Variants in PAPPA2 observed in about 807,000 individuals in gnomAD.
PAPPA2 encodes the protein pappalysin 2, also known as pappalysin-2.
A neutral mutation model predicts 176.4 loss-of-function variants in PAPPA2; 86 were observed. The ratio of observed to expected loss-of-function variants is 0.49; its 90% CI spans 0.41 to 0.58. PAPPA2 has a LOEUF of 0.58. Ranked by LOEUF, PAPPA2 falls within the 20% of genes least tolerant of loss-of-function variation. The pLI, the probability that PAPPA2 is intolerant of heterozygous loss-of-function variation, is 0.00. For missense variants in PAPPA2, 2,073 were observed against 2,256.9 expected, an observed-to-expected ratio of 0.92 and a Z score of 1.65; for synonymous variants, 809 against 852.2, an observed-to-expected ratio of 0.95 and a Z score of 0.88.
At chr1:176,469,849 C>T (rs558839339) in intron 1 of PAPPA2, among the ~76,000 whole-genome samples, 2 of 152,258 alleles carry the variant, frequency 1.3e-5, no homozygotes, top group Admixed American at 1.3e-4. Context: ...GCCACAAGCA[C>T]GTGGTTCCCT....
At chr1:176,485,385 G>A (rs1572957944) in intron 1 of PAPPA2, among the ~76,000 whole-genome samples, 1 of 152,036 alleles carries the variant, frequency 6.6e-6, no homozygotes, top group Non-Finnish European at 1.5e-5. Flanking sequence ...TTTCTCAAAT[G>A]CTCCAGCCAT....
intron 1 of PAPPA2, among the ~76,000 whole-genome samples, chr1:176,480,313 A>G (rs1409225874): frequency 6.6e-6 from 1 of 152,164 alleles, no homozygotes; most frequent in East Asian, 1.9e-4. Context: ...TCAGTAACAC[A>G]GAGCAGTCCT....
chr1:176,768,222 A>C (rs1664064284), intron 15 of PAPPA2, among the ~76,000 whole-genome samples: 1 of 150,624 alleles, frequency 6.6e-6, no homozygotes. Context: ...CACCCTAGAC[A>C]CCTTCTTCTC....
chr1:176,714,723 C>A (rs985960822), intron 12 of PAPPA2, among the ~76,000 whole-genome samples: 1 of 152,080 alleles, frequency 6.6e-6, no homozygotes, highest in African/African-American at 2.4e-5. Context: ...TATAATAAGT[C>A]TTTTCTATTG....
At chr1:176,700,030 C>T (rs1429643490) in intron 8 of PAPPA2, among the ~76,000 whole-genome samples, 1 of 152,222 alleles carries the variant, frequency 6.6e-6, no homozygotes, top group Non-Finnish European at 1.5e-5. Flanking sequence ...AGACGATACA[C>T]TCAGTTCCAT....
chr1:176,524,911 G>A (rs931540813), intron 1 of PAPPA2, among the ~76,000 whole-genome samples: 7 of 152,122 alleles, frequency 4.6e-5, no homozygotes, highest in African/African-American at 7.2e-5. Context: ...GCGTGATGGC[G>A]GGCGCCTGTA....
chr1:176,730,182 G>T (rs1253108236), intron 12 of PAPPA2, among the ~76,000 whole-genome samples: 1 of 151,784 alleles, frequency 6.6e-6, no homozygotes, highest in African/African-American at 2.4e-5. Context: ...GGAGCCACTT[G>T]TATAAAATAA....
At chr1:176,841,831 T>A (rs953934026) in intron 22 of PAPPA2, among the ~76,000 whole-genome samples, 8 of 152,152 alleles carry the variant, frequency 5.3e-5, no homozygotes, top group Admixed American at 4.6e-4. Flanking sequence ...AAGATGTTCC[T>A]ATTGTTCCAA....
intron 4 of PAPPA2, among the ~76,000 whole-genome samples, chr1:176,671,557 G>T (rs556877880): frequency 2.0e-5 from 3 of 152,248 alleles, no homozygotes; most frequent in South Asian, 4.1e-4. Flanking sequence ...GGTGGGGCTT[G>T]CCTGCTCACC....
At chr1:176,600,438 A>C (rs1354962158) in intron 3 of PAPPA2, among the ~76,000 whole-genome samples, 1 of 151,964 alleles carries the variant, frequency 6.6e-6, no homozygotes, top group Non-Finnish European at 1.5e-5. Flanking sequence ...GCACTTTGGG[A>C]GGCCGAGGCG....
At chr1:176,595,711 AC>A in intron 3 of PAPPA2, 116 bp downstream of exon 3, 1 of 977,760 alleles carries the variant, frequency 1.0e-6, no homozygotes, top group Non-Finnish European at 1.5e-6. Context: ...ACATTAATCC[AC>A]CCCATCAGAC....
chr1:176,744,226 T>C (rs1217082634), intron 14 of PAPPA2, among the ~76,000 whole-genome samples: 1 of 152,252 alleles, frequency 6.6e-6, no homozygotes, highest in East Asian at 1.9e-4. Context: ...CCTGTGGCTT[T>C]GTATTCTACT....
chr1:176,471,015 C>G (rs1038059096), intron 1 of PAPPA2, among the ~76,000 whole-genome samples: 1 of 152,160 alleles, frequency 6.6e-6, no homozygotes, highest in Non-Finnish European at 1.5e-5. Flanking sequence ...TTTGTCTTCT[C>G]TAGCTTTTAC....
rs146089629 is a variant in PAPPA2, at chr1:176,731,684, T to C, written c.3799-7942T>C. Among the ~76,000 whole-genome samples, 791 of 150,908 alleles carry C rather than the reference T, an allele frequency of 5.2e-3. 9 individuals are homozygous for C. The highest frequency in any genetic ancestry group is 0.018 in the African/African-American group (738 of 40,622). ...GTGTGTGTACATATATGTGTATATATACATATATGTGTACATATATGTGTA... is the reference window on the plus strand; with the variant it reads ...GTGTGTGTACATATATGTGTATATACACATATATGTGTACATATATGTGTA... On this transcript the variant is annotated intron_variant, in intron 12 of 22. Coordinates refer to ENST00000367662, the MANE Select transcript of PAPPA2 (RefSeq NM_020318.3).
At chr1:176,603,015 A>AGTG (rs1318743583) in intron 3 of PAPPA2, among the ~76,000 whole-genome samples, 2 of 152,036 alleles carry the variant, frequency 1.3e-5, no homozygotes, top group African/African-American at 4.8e-5. Flanking sequence ...GGGGCTGGGG[A>AGTG]GTGGTGACTG....
chr1:176,748,972 C>T (rs1242649075), intron 14 of PAPPA2, among the ~76,000 whole-genome samples: 1 of 133,104 alleles, frequency 7.5e-6, no homozygotes, highest in African/African-American at 2.8e-5. Context: ...TATAAAAACA[C>T]AAAAATTAAA....
chr1:176,550,952 T>C (rs1650911935), intron 1 of PAPPA2, among the ~76,000 whole-genome samples: 1 of 152,172 alleles, frequency 6.6e-6, no homozygotes, highest in African/African-American at 2.4e-5. Flanking sequence ...AATTGACAAA[T>C]GGCTGGCAAA....
intron 1 of PAPPA2, chr1:176,553,762 A>T (rs1573031308): frequency 6.6e-6 from 1 of 151,634 alleles, no homozygotes; most frequent in Non-Finnish European, 1.5e-5. Flanking sequence ...TCTGAGGGTT[A>T]TGGGGTGGCA....
intron 2 of PAPPA2, among the ~76,000 whole-genome samples, chr1:176,570,622 C>A (rs1039295741): frequency 6.6e-6 from 1 of 151,556 alleles, no homozygotes; most frequent in African/African-American, 2.4e-5. Context: ...TTGGGCAATG[C>A]TCCCTCCTGG....
Sources: allele counts gnomAD v4.1 joint callset (sites outside exome capture counted in the v4.1 genomes callset), GRCh38; gene constraint gnomAD v4.1.1; transcripts MANE v1.5; gene names NCBI Gene and HGNC (gene_info 2026-07-23, HGNC 2026-07-21).